THOP1: variants seen among roughly 807,000 people sequenced by gnomAD.
THOP1 encodes thimet oligopeptidase 1, also known as thimet oligopeptidase.
In THOP1, 49 loss-of-function variants were observed where a neutral mutation model predicts 71.8. The ratio of observed to expected loss-of-function variants is 0.68; its 90% CI spans 0.54 to 0.87. The LOEUF (loss-of-function observed/expected upper bound fraction) is 0.87. Ranked by LOEUF, THOP1 falls within the 40% of genes least tolerant of loss-of-function variation. THOP1 has a pLI of 0.00. For missense variants in THOP1, 843 were observed against 975.6 expected, an observed-to-expected ratio of 0.86 and a Z score of 1.81; for synonymous variants, 426 against 421.5, an observed-to-expected ratio of 1.01 and a Z score of -0.13.
chr19:2,813,226 A>C lies in THOP1; in HGVS notation c.2020A>C (p.Ser674Arg), dbSNP rs372261085. Residue 674 changes from serine (S) to arginine (R), a missense_variant, in exon 13 of 13, where the codon AGC (serine) becomes CGC (arginine). Physicochemically the swap from Ser to Arg is moderately radical, Grantham distance 110. Transcript: ENST00000307741. ...RDPKQDAFLL[S>R]KGLQVGGCEP... ...CCCCAAGCAGGACGCCTTCCTCCTG[A>C]GCAAGGGGCTGCAGGTCGGGGGCTG... 65 of 1,612,026 alleles carry C rather than the reference A, an allele frequency of 4.0e-5. No individual in the cohort carries two copies. Among genetic ancestry groups the C allele is most frequent in the Non-Finnish European group, 5.2e-5 (61 of 1,179,708 alleles).
intron 12 of THOP1, chr19:2,812,390 AGCAG>A: frequency 6.7e-7 from 1 of 1,500,264 alleles, no homozygotes; most frequent in Non-Finnish European, 8.9e-7. Context: ...GGAGCCACCA[AGCAG>A]GCACTCAGCT....
intron 5 of THOP1, among the ~76,000 whole-genome samples, chr19:2,802,969 A>C (rs1395644549): frequency 6.6e-6 from 1 of 152,144 alleles, no homozygotes; most frequent in East Asian, 1.9e-4. Flanking sequence ...TGTCCTCTGA[A>C]CCTGCTCTTA....
intron 11 of THOP1, among the ~76,000 whole-genome samples, chr19:2,811,060 G>T (rs1400218435): frequency 6.6e-6 from 1 of 152,238 alleles, no homozygotes; most frequent in Non-Finnish European, 1.5e-5. Flanking sequence ...CACATGCTTT[G>T]TAAAAAGCCT....
intron 4 of THOP1, among the ~76,000 whole-genome samples, chr19:2,796,768 C>G (rs999175377): frequency 5.3e-5 from 8 of 152,124 alleles, no homozygotes; most frequent in Non-Finnish European, 8.8e-5. Context: ...GACCCCCGGC[C>G]TGATGTCCAT....
At chr19:2,795,884 G>A in intron 3 of THOP1, 197 bp from the exon 4 acceptor site, 1 of 500,826 alleles carries the variant, frequency 2.0e-6, no homozygotes, top group Non-Finnish European at 3.7e-6. Flanking sequence ...GTCAGTGTGG[G>A]GCTCTTCCAA....
rs1022222093 is a variant in THOP1 at position 2,810,897 on chromosome 19, G to A, written c.1771+129G>A. 4.0e-5 allele frequency: 55 copies of A among 1,384,986 alleles called. 1 individual carries two copies. Among genetic ancestry groups the A allele is most frequent in the Admixed American group, 2.3e-4 (9 of 39,500 alleles). The allele number at this position is 1,384,986 out of a possible 1,614,324, so 85.8% of individuals were successfully genotyped here. On this transcript the variant is annotated intron_variant, in intron 11 of 12. Coordinates refer to ENST00000307741, the MANE Select transcript of THOP1 (RefSeq NM_003249.5). ...AGTCCCTGCTGGGGAGCCACGGAGC[G>A]CGTCCCAGGCTCCTCGGGGGACAGC...
chr19:2,801,595 G>C lies in THOP1; in HGVS notation c.589+1804G>C, dbSNP rs1394697645. 6.6e-6 allele frequency among the ~76,000 whole-genome samples: 1 copy of C among 152,172 alleles called. No homozygotes were observed. The highest frequency in any genetic ancestry group is 1.5e-5 in the Non-Finnish European group (1 of 68,028). On this transcript the variant is annotated intron_variant, in intron 5 of 12. Transcript: ENST00000307741. This position sits in a 1 kb window ranked among gnomAD's most constrained non-coding sequence, Gnocchi z 5.1. Reference sequence around the variant, plus strand: ...CAGGAGACGCCTTGCGATGGTCTTAGTTCCTTTTCTTCTGCTTACAACAGA... The same window carrying C: ...CAGGAGACGCCTTGCGATGGTCTTACTTCCTTTTCTTCTGCTTACAACAGA...
chr19:2,789,725 A>G (rs1366486610), intron 1 of THOP1, among the ~76,000 whole-genome samples: 3 of 151,004 alleles, frequency 2.0e-5, no homozygotes, highest in Admixed American at 6.6e-5. Flanking sequence ...TGATCTGTGC[A>G]TGGTGTCTCC....
chr19:2,807,452 G>A lies in THOP1; in HGVS notation c.897G>A (p.Ala299=), dbSNP rs200434857. 43 of 1,591,600 alleles carry A rather than the reference G, an allele frequency of 2.7e-5. No homozygotes were observed. Among genetic ancestry groups the A allele is most frequent in the Admixed American group, 1.4e-4 (8 of 59,048 alleles). The change falls in exon 8 of 13, where the codon GCG becomes GCA. Residue 299 remains alanine, a synonymous_variant. Coordinates refer to ENST00000307741, the MANE Select transcript of THOP1 (RefSeq NM_003249.5). ...QTVATFLDEL[A]QKLKPLGEQE... The stretch of plus-strand genomic sequence containing the variant: ...CTGCCCTCCCCGCAGATGAGCTGGC[G>A]CAGAAGCTGAAGCCCCTGGGGGAGC...
chr19:2,806,700 G>C, intron 6 of THOP1: 1 of 712,954 alleles, frequency 1.4e-6, no homozygotes, highest in Admixed American at 3.2e-5. Context: ...AGGCCTTAGA[G>C]TCATCTGCAC....
At chr19:2,790,379 C>T (rs376270765) in intron 1 of THOP1, 42 bp from the exon 2 acceptor site, 10 of 1,487,084 alleles carry the variant, frequency 6.7e-6, no homozygotes, top group South Asian at 1.4e-5. Context: ...CTAACTGAAC[C>T]GAAAGCAGAC....
chr19:2,811,328 A>G (rs1916455676), intron 11 of THOP1, among the ~76,000 whole-genome samples: 2 of 152,190 alleles, frequency 1.3e-5, no homozygotes, highest in African/African-American at 2.4e-5. Context: ...TTATTGACGC[A>G]GTCTCAAAAT....
Position 2,785,580 on chromosome 19 carries a change from G to T in THOP1, c.-83G>T. On this transcript the variant is annotated 5_prime_UTR_variant, in exon 1 of 13. It adds an upstream start codon to the 5' untranslated region. Coordinates refer to ENST00000307741, the MANE Select transcript of THOP1 (RefSeq NM_003249.5). ...GCGGCGGTGGCGGCGGTTGGGCCGAGGCAGGCGGCCTCAGTGGCCGAGGTG... is the reference window on the plus strand; with the variant it reads ...GCGGCGGTGGCGGCGGTTGGGCCGATGCAGGCGGCCTCAGTGGCCGAGGTG... 6.9e-7 allele frequency: 1 copy of T among 1,451,226 alleles called. No individual in the cohort carries two copies. The allele number at this position is 1,451,226 out of a possible 1,614,324, so 89.9% of individuals were successfully genotyped here. A position where few individuals can be genotyped will look rare whatever the true frequency, so the allele number is the denominator to read the frequency against.
At position 2,807,064 on chromosome 19, in the gene THOP1, TTCC is replaced by T. The variant is rs1159467245; in HGVS notation, c.886+19_886+21del. 1 of 1,604,532 alleles carries T rather than the reference TTCC, an allele frequency of 6.2e-7. No individual in the cohort carries two copies. The highest frequency in any genetic ancestry group is 8.5e-7 in the Non-Finnish European group (1 of 1,175,850). The stretch of plus-strand genomic sequence containing the variant: ...GGCCACCTTCCTAGGTAGCCCTTCC[TTCC>T]TCCTCCACTGGGGTCCCTGTGGGGA... On this transcript the variant is annotated intron_variant, in intron 7 of 12. Coordinates refer to ENST00000307741, the MANE Select transcript of THOP1 (RefSeq NM_003249.5).
At position 2,804,955 on chromosome 19, in the gene THOP1, G is replaced by T. The variant is rs559149844; in HGVS notation, c.590-61G>T. On this transcript the variant is annotated intron_variant, in intron 5 of 12. Coordinates refer to ENST00000307741, the MANE Select transcript of THOP1 (RefSeq NM_003249.5). This position sits in a 1 kb window ranked among gnomAD's most constrained non-coding sequence, Gnocchi z 4.7. Reference sequence around the variant, plus strand: ...GGGAAGCCCACCCCTTCCCTCACACGCTGTGTGCAGGCTGTGGGCCCATCA... The same window carrying T: ...GGGAAGCCCACCCCTTCCCTCACACTCTGTGTGCAGGCTGTGGGCCCATCA... 1.3e-6 allele frequency: 2 copies of T among 1,524,076 alleles called. No individual in the cohort carries two copies. The allele number at this position is 1,524,076 out of a possible 1,614,324, so 94.4% of individuals were successfully genotyped here. A position where few individuals can be genotyped will look rare whatever the true frequency, so the allele number is the denominator to read the frequency against.
chr19:2,811,653 C>G lies in THOP1; in HGVS notation c.1827C>G (p.Tyr609Ter). ...GHLAGGYDAQ[Y>*]YGYLWSEVYS... ...TGGCAGGTGGCTACGACGCCCAGTA[C>G]TACGGGTACCTGTGGAGCGAGGTGT... Residue 609 changes from tyrosine (Y) to a stop codon, truncating the protein, a stop_gained, in exon 12 of 13, where the codon TAC (tyrosine) becomes TAG (stop). Coordinates refer to ENST00000307741, the MANE Select transcript of THOP1 (RefSeq NM_003249.5). LOFTEE classifies it high-confidence loss of function. 1.2e-6 allele frequency: 2 copies of G among 1,613,504 alleles called. No individual in the cohort carries two copies. Among genetic ancestry groups the G allele is most frequent in the African/African-American group, 1.3e-5 (1 of 75,062 alleles).
At chr19:2,798,007 G>GTTATTT (rs779887220) in intron 4 of THOP1, among the ~76,000 whole-genome samples, 160 of 152,250 alleles carry the variant, frequency 1.1e-3, no homozygotes, top group Non-Finnish European at 1.4e-3. Context: ...ACAAGAGCCA[G>GTTATTT]TTATTTTTAT....
chr19:2,786,278 C>G (rs1226603422), intron 1 of THOP1, among the ~76,000 whole-genome samples: 1 of 152,150 alleles, frequency 6.6e-6, no homozygotes, highest in East Asian at 1.9e-4. Flanking sequence ...TATTTATTTA[C>G]TTTGTCTCCC....
intron 5 of THOP1, among the ~76,000 whole-genome samples, chr19:2,800,108 T>C (rs1332989235): frequency 1.3e-5 from 2 of 152,232 alleles, no homozygotes; most frequent in Admixed American, 1.3e-4. Context: ...GGTGCCAGTC[T>C]CAGCCATGGC....
Sources: allele counts gnomAD v4.1 joint callset (sites outside exome capture counted in the v4.1 genomes callset), GRCh38; gene constraint gnomAD v4.1.1; non-coding constraint Gnocchi (gnomAD v3.1); transcripts MANE v1.5; gene names NCBI Gene and HGNC (gene_info 2026-07-23, HGNC 2026-07-21).